The following ERC2 variants were observed in gnomAD, a reference collection of about 807,000 sequenced individuals.
ERC2 encodes the protein ELKS/RAB6-interacting/CAST family member 2, also known as ERC protein 2.
A neutral mutation model predicts 114.8 loss-of-function variants in ERC2; 42 were observed. The observed-to-expected ratio is 0.37, with a 90% confidence interval of 0.29 to 0.47. ERC2 has a LOEUF of 0.47. Among genes scored for constraint, ERC2 ranks in the 20% least tolerant of loss-of-function variants. ERC2 has a pLI of 0.99. For missense variants in ERC2, 939 were observed against 1,150.7 expected (o/e 0.82, Z 2.66); for synonymous variants, 454 against 425.5 (o/e 1.07, Z -0.82).
chr3:55,652,555 CTT>C (rs2060671766), intron 17 of ERC2, among the ~76,000 whole-genome samples: 1 of 152,074 alleles, frequency 6.6e-6, no homozygotes, highest in Non-Finnish European at 1.5e-5. Context: ...TGCATTCTCT[CTT>C]TTGCTCCTGT....
chr3:55,954,122 G>T (rs1351714590), intron 12 of ERC2, among the ~76,000 whole-genome samples: 1 of 141,620 alleles, frequency 7.1e-6, no homozygotes, highest in Non-Finnish European at 1.5e-5. Context: ...AGGTTTCTTT[G>T]GGGTGAAATT....
intron 13 of ERC2, among the ~76,000 whole-genome samples, chr3:55,948,367 C>T (rs1312894474): frequency 6.6e-6 from 1 of 152,196 alleles, no homozygotes; most frequent in Non-Finnish European, 1.5e-5. Context: ...CTGACTGACA[C>T]TTAAAGCTTA....
At chr3:55,986,175 A>G (rs1229549566) in intron 11 of ERC2, among the ~76,000 whole-genome samples, 187 bp from the exon 12 acceptor site, 1 of 152,244 alleles carries the variant, frequency 6.6e-6, no homozygotes, top group Non-Finnish European at 1.5e-5. Flanking sequence ...CCCTGGGCAC[A>G]CACTGTAAGC....
chr3:55,803,330 C>G lies in ERC2; in HGVS notation c.2565-68412G>C, dbSNP rs576652323. Reference sequence around the variant, plus strand: ...TATTTTTCTCCCATGGCCTCCCTACCTCACACTTAAACATAACGATGAAAA... The same window carrying G: ...TATTTTTCTCCCATGGCCTCCCTACGTCACACTTAAACATAACGATGAAAA... On this transcript the variant is annotated intron_variant, in intron 14 of 17. Coordinates refer to ENST00000288221, the MANE Select transcript of ERC2 (RefSeq NM_015576.3). Among the ~76,000 whole-genome samples the G allele has an allele frequency of 6.6e-5, 10 of 152,194 alleles. No individual in the cohort carries two copies. The East Asian group carries it at 1.7e-3, about 26-fold the overall frequency.
intron 3 of ERC2, among the ~76,000 whole-genome samples, chr3:56,213,016 C>T (rs552605958): frequency 6.4e-4 from 98 of 152,176 alleles, no homozygotes; most frequent in African/African-American, 2.2e-3. Flanking sequence ...ATAGACTTTG[C>T]GGACTTTGGG....
At chr3:55,927,614 C>A (rs1300116371) in intron 13 of ERC2, among the ~76,000 whole-genome samples, 2 of 152,126 alleles carry the variant, frequency 1.3e-5, no homozygotes, top group African/African-American at 4.8e-5. Flanking sequence ...CTATTCTATT[C>A]TTTTAGTTAT....
At chr3:55,962,038 A>G (rs2068422163) in intron 12 of ERC2, among the ~76,000 whole-genome samples, 1 of 152,168 alleles carries the variant, frequency 6.6e-6, no homozygotes, top group Non-Finnish European at 1.5e-5. Context: ...AATACTAGTG[A>G]GTACTGTTAG....
intron 7 of ERC2, among the ~76,000 whole-genome samples, chr3:56,024,406 T>G (rs574160504): frequency 6.6e-6 from 1 of 152,158 alleles, no homozygotes; most frequent in East Asian, 1.9e-4. Context: ...ACGAAAGAAG[T>G]GAGAAAGGAA....
intron 2 of ERC2, among the ~76,000 whole-genome samples, chr3:56,343,907 GCTAGA>G (rs1250219322): frequency 1.3e-5 from 2 of 151,972 alleles, no homozygotes; most frequent in African/African-American, 2.4e-5. Context: ...ACAATATAAC[GCTAGA>G]CTAAAGAATT....
At chr3:55,547,358 G>C (rs1177212560) in intron 17 of ERC2, among the ~76,000 whole-genome samples, 1 of 152,246 alleles carries the variant, frequency 6.6e-6, no homozygotes, top group Non-Finnish European at 1.5e-5. Flanking sequence ...CCCAGCAAAT[G>C]TTCCTGGAGC....
At chr3:56,047,478 A>G (rs1200428765) in intron 7 of ERC2, among the ~76,000 whole-genome samples, 2 of 152,242 alleles carry the variant, frequency 1.3e-5, no homozygotes, top group Admixed American at 6.5e-5. Flanking sequence ...GCCAGAGTTC[A>G]TAAGCCAGAT....
At position 55,799,788 on chromosome 3, in the gene ERC2, A is replaced by T. The variant is rs572876059; in HGVS notation, c.2565-64870T>A. On this transcript the variant is annotated intron_variant, in intron 14 of 17. Coordinates refer to ENST00000288221, the MANE Select transcript of ERC2 (RefSeq NM_015576.3). ...ATAATGTTTGCTTCCACCAGAGAAC[A>T]TTATCATGATGTGATGAATTAGAAA... Among the ~76,000 whole-genome samples the T allele has an allele frequency of 4.6e-5, 7 of 152,248 alleles. No homozygotes were observed. In the South Asian group the frequency reaches 1.2e-3, roughly 27 times the overall value.
intron 2 of ERC2, among the ~76,000 whole-genome samples, chr3:56,377,499 A>G (rs2059589180): frequency 6.6e-6 from 1 of 152,254 alleles, no homozygotes; most frequent in Non-Finnish European, 1.5e-5. Context: ...TCACTTGTCA[A>G]TTTGTCAACC....
At chr3:55,888,164 T>C (rs1290909353) in intron 14 of ERC2, among the ~76,000 whole-genome samples, 5 of 152,210 alleles carry the variant, frequency 3.3e-5, no homozygotes, top group African/African-American at 9.7e-5. Flanking sequence ...CAAAATCTAG[T>C]GCTGGATCTA....
chr3:56,463,455 T>A (rs57164168), intron 1 of ERC2, among the ~76,000 whole-genome samples: 53,361 of 151,930 alleles, frequency 0.35, 9,572 homozygotes, highest in Middle Eastern at 0.43. Context: ...ATGGCCACTC[T>A]AAGTCCAAGG....
intron 7 of ERC2, among the ~76,000 whole-genome samples, chr3:56,035,324 TA>T (rs1379625545): frequency 6.6e-6 from 1 of 152,184 alleles, no homozygotes; most frequent in Non-Finnish European, 1.5e-5. Flanking sequence ...ATTAAATCAG[TA>T]ATCAAAACTT....
chr3:55,591,974 T>C (rs1483577722), intron 17 of ERC2, among the ~76,000 whole-genome samples: 1 of 152,212 alleles, frequency 6.6e-6, no homozygotes, highest in African/African-American at 2.4e-5. Context: ...TCTAAGGCCT[T>C]TTTCTAGAGC....
At chr3:55,569,216 A>G (rs975606361) in intron 17 of ERC2, among the ~76,000 whole-genome samples, 42 of 152,186 alleles carry the variant, frequency 2.8e-4, no homozygotes, top group African/African-American at 9.7e-4. Flanking sequence ...CCTAGCACAC[A>G]ACAGCTTCCC....
chr3:56,327,983 C>G (rs757050582), intron 2 of ERC2, among the ~76,000 whole-genome samples: 1 of 152,162 alleles, frequency 6.6e-6, no homozygotes, highest in Non-Finnish European at 1.5e-5. Flanking sequence ...AAGCTGTGAC[C>G]ATACAAAGTG....
Sources: gnomAD v4.1 joint callset for allele counts (sites outside exome capture counted in the v4.1 genomes callset) on GRCh38, gnomAD v4.1.1 for gene constraint, MANE v1.5 for transcripts, NCBI Gene and HGNC (gene_info 2026-07-23, HGNC 2026-07-21) for gene names.